The following LPIN2 variants were observed in gnomAD, a reference collection of about 807,000 sequenced individuals.
LPIN2 encodes the protein lipin 2, also known as phosphatidate phosphatase LPIN2.
LPIN2 carries 55 observed loss-of-function variants against 111.4 expected under a neutral mutation model. That is an observed-to-expected ratio of 0.49 (90% confidence interval 0.40 to 0.62). The LOEUF is 0.62. LPIN2 is among the 20% of genes least tolerant of loss of function. The pLI, the probability that LPIN2 is intolerant of heterozygous loss-of-function variation, is 0.00. For missense variants in LPIN2, 992 were observed against 1,112.1 expected, an observed-to-expected ratio of 0.89 and a Z score of 1.54; for synonymous variants, 425 against 414.0, an observed-to-expected ratio of 1.03 and a Z score of -0.32.
In LPIN2 at chr18:2,927,795, C is replaced by T; in HGVS notation, c.1637G>A (p.Trp546Ter). The T allele has an allele frequency of 6.2e-7, 1 of 1,614,176 alleles. No individual in the cohort carries two copies. The highest frequency in any genetic ancestry group is 1.3e-5 in the African/African-American group (1 of 75,042). The change falls in exon 12 of 20, where the codon TGG (tryptophan) becomes TAG (stop). Residue 546 changes from tryptophan (W) to a stop codon, truncating the protein, a stop_gained. Coordinates refer to ENST00000677752, the MANE Select transcript of LPIN2 (RefSeq NM_001375808.2). LOFTEE classifies it high-confidence loss of function. ...KSLPKATVESWVKDKMPKKSG... is the reference protein window; with the variant it reads ...KSLPKATVES ...TTTCTTTGGCATCTTGTCTTTCACC[C>T]AGGACTCAACTGTGGCCTGAAAACA...
At chr18:2,942,442 A>T (rs564730536) in intron 4 of LPIN2, among the ~76,000 whole-genome samples, 373 of 152,374 alleles carry the variant, frequency 2.4e-3, no homozygotes, top group Non-Finnish European at 3.9e-3. Flanking sequence ...GTGGTCTGAA[A>T]AGAACAATGT....
At chr18:3,005,305 G>A (rs996644939) in intron 1 of LPIN2, among the ~76,000 whole-genome samples, 27 of 151,868 alleles carry the variant, frequency 1.8e-4, no homozygotes, top group African/African-American at 5.3e-4. Flanking sequence ...AGCCAAGATC[G>A]TGCATCACTG....
intron 18 of LPIN2, 99 bp from the exon 19 acceptor site, chr18:2,920,980 G>A (rs184240189): frequency 2.3e-5 from 19 of 837,584 alleles, no homozygotes; most frequent in Admixed American, 1.1e-4. Context: ...AGACAGACTC[G>A]ACAGAAAACA....
At chr18:2,922,466 A>C (rs2077069560) in intron 16 of LPIN2, among the ~76,000 whole-genome samples, 1 of 152,188 alleles carries the variant, frequency 6.6e-6, no homozygotes, top group South Asian at 2.1e-4. Flanking sequence ...TAGTAGAGAC[A>C]GGGTTTCACC....
At chr18:3,010,452 G>C (rs2298541) in intron 1 of LPIN2, among the ~76,000 whole-genome samples, 10 of 152,026 alleles carry the variant, frequency 6.6e-5, no homozygotes, top group Non-Finnish European at 1.5e-4. Context: ...GGTAGGTCAC[G>C]AGACTCTGGG....
intron 1 of LPIN2, chr18:2,985,558 CAG>C (rs1482507790): frequency 1.3e-5 from 2 of 151,790 alleles, no homozygotes; most frequent in African/African-American, 4.8e-5. Flanking sequence ...TTAGGAAAAA[CAG>C]AATCCTGTTC....
rs1443210935 is a variant in LPIN2, at chr18:2,921,665, A to G, written c.2328-18T>C. ...TCACTTCTCTAAGAAAAAAATACAA[A>G]TACAATCACCAATCTCAAAATGGTC... On this transcript the variant is annotated intron_variant, in intron 17 of 19. Coordinates refer to ENST00000677752, the MANE Select transcript of LPIN2 (RefSeq NM_001375808.2). 2 of 1,527,998 alleles carry G rather than the reference A, an allele frequency of 1.3e-6. No homozygotes were observed. Among genetic ancestry groups the G allele is most frequent in the South Asian group, 2.2e-5 (2 of 89,454 alleles). The allele number at this position is 1,527,998 out of a possible 1,614,324, so 94.7% of individuals were successfully genotyped here.
chr18:2,952,768 A>G (rs2077556097), intron 3 of LPIN2, among the ~76,000 whole-genome samples: 1 of 152,212 alleles, frequency 6.6e-6, no homozygotes, highest in African/African-American at 2.4e-5. Flanking sequence ...TAGTTCTATT[A>G]TAGCAATGTT....
At chr18:2,958,169 A>AAAC (rs2077649926) in intron 2 of LPIN2, among the ~76,000 whole-genome samples, 2 of 146,572 alleles carry the variant, frequency 1.4e-5, no homozygotes, top group Non-Finnish European at 3.0e-5. Context: ...AACAAAAAAA[A>AAAC]AAAACAGAAA....
At chr18:2,926,434 C>G (rs1164001147) in intron 13 of LPIN2, among the ~76,000 whole-genome samples, 2 of 152,226 alleles carry the variant, frequency 1.3e-5, no homozygotes, top group African/African-American at 4.8e-5. Flanking sequence ...GGATGGGATG[C>G]AGGGGGAGCA....
At chr18:2,949,747 G>T (rs1277535628) in intron 4 of LPIN2, among the ~76,000 whole-genome samples, 1 of 152,042 alleles carries the variant, frequency 6.6e-6, no homozygotes, top group Non-Finnish European at 1.5e-5. Context: ...TTACAAAAAA[G>T]GATTATACTA....
At chr18:2,923,106 G>A (rs1336181302) in intron 16 of LPIN2, among the ~76,000 whole-genome samples, 1 of 152,060 alleles carries the variant, frequency 6.6e-6, no homozygotes, top group Non-Finnish European at 1.5e-5. Context: ...TCATGCATGC[G>A]TGCACTATCT....
intron 4 of LPIN2, among the ~76,000 whole-genome samples, chr18:2,943,157 C>CTAA (rs546431961): frequency 8.2e-4 from 124 of 152,124 alleles, no homozygotes; most frequent in African/African-American, 2.8e-3. Context: ...TGCACACTTA[C>CTAA]GGTCTGTGAA....
chr18:2,999,697 T>C (rs964184230), intron 1 of LPIN2, among the ~76,000 whole-genome samples: 1 of 151,616 alleles, frequency 6.6e-6, no homozygotes, highest in Non-Finnish European at 1.5e-5. Context: ...ATTGGGGTGA[T>C]GCATCTGCAA....
At chr18:2,990,878 T>C (rs763004566) in intron 1 of LPIN2, 3 of 508,120 alleles carry the variant, frequency 5.9e-6, no homozygotes, top group Non-Finnish European at 1.2e-5. Flanking sequence ...CTCCCTCCAG[T>C]CTTCTGGGTC....
chr18:2,976,724 G>C (rs2078023556), intron 1 of LPIN2, among the ~76,000 whole-genome samples: 1 of 152,152 alleles, frequency 6.6e-6, no homozygotes, highest in South Asian at 2.1e-4. Flanking sequence ...TTACTAATGA[G>C]AGCTAGCTAG....
At chr18:2,986,546 G>GGGAAA (rs2078188264) in intron 1 of LPIN2, among the ~76,000 whole-genome samples, 2 of 9,824 alleles carry the variant, frequency 2.0e-4, no homozygotes, top group African/African-American at 3.2e-4. Flanking sequence ...TTTTTTTAAT[G>GGGAAA]TAAAAAAAAA....
chr18:2,927,059 A>T (rs986304854), intron 12 of LPIN2, among the ~76,000 whole-genome samples: 1 of 152,198 alleles, frequency 6.6e-6, no homozygotes, highest in Non-Finnish European at 1.5e-5. Context: ...CAAGTCACAA[A>T]ACATAATACA....
In LPIN2 at chr18:2,918,498, G is replaced by C. The variant is rs1327783435; in HGVS notation, c.*1795C>G. 6.6e-6 allele frequency: 1 copy of C among 152,092 alleles called. No homozygotes were observed. The highest frequency in any genetic ancestry group is 2.4e-5 in the African/African-American group (1 of 41,386). The allele number at this position is 152,092 out of a possible 1,614,324, so 9.4% of individuals were successfully genotyped here. On this transcript the variant is annotated 3_prime_UTR_variant, in exon 20 of 20. Coordinates refer to ENST00000677752, the MANE Select transcript of LPIN2 (RefSeq NM_001375808.2). The stretch of plus-strand genomic sequence containing the variant: ...GCTGCTGTACTAGAATTCACAAACT[G>C]GGAAGAACTTCATATAAACAGAACC...
Sources: allele counts gnomAD v4.1 joint callset (sites outside exome capture counted in the v4.1 genomes callset), GRCh38; gene constraint gnomAD v4.1.1; transcripts MANE v1.5; gene names NCBI Gene and HGNC (gene_info 2026-07-23, HGNC 2026-07-21).